B4GALT1: variants seen among roughly 807,000 people sequenced by gnomAD.
B4GALT1 encodes the protein beta-1,4-galactosyltransferase 1.
A neutral mutation model predicts 34.9 loss-of-function variants in B4GALT1; 16 were observed. The observed-to-expected ratio is 0.46, with a 90% confidence interval of 0.31 to 0.70. The LOEUF (loss-of-function observed/expected upper bound fraction) is 0.70. Among genes scored for constraint, B4GALT1 ranks in the 30% least tolerant of loss-of-function variants. The pLI, the probability that B4GALT1 is intolerant of heterozygous loss-of-function variation, is 0.05. For missense variants in B4GALT1, 445 were observed against 530.5 expected, an observed-to-expected ratio of 0.84 and a Z score of 1.58; for synonymous variants, 221 against 218.1, an observed-to-expected ratio of 1.01 and a Z score of -0.12.
chr9:33,162,596 C>A (rs866637624), intron 1 of B4GALT1, among the ~76,000 whole-genome samples: 6 of 152,204 alleles, frequency 3.9e-5, no homozygotes, highest in Non-Finnish European at 8.8e-5. Context: ...TCAGGTCACC[C>A]CTGAACCTGT....
chr9:33,146,239 A>G (rs1293108500), intron 1 of B4GALT1, among the ~76,000 whole-genome samples: 1 of 152,226 alleles, frequency 6.6e-6, no homozygotes, highest in Non-Finnish European at 1.5e-5. Context: ...GAATTTCTGG[A>G]AAGTGTGGAA....
chr9:33,135,096 A>T, intron 2 of B4GALT1, 93 bp downstream of exon 2: 1 of 1,312,376 alleles, frequency 7.6e-7, no homozygotes, highest in Non-Finnish European at 1.1e-6. Context: ...TGTCTGTGAA[A>T]TCACTCCCCT....
chr9:33,121,224 T>C (rs1164402663), intron 2 of B4GALT1, among the ~76,000 whole-genome samples: 2 of 152,122 alleles, frequency 1.3e-5, no homozygotes, highest in Admixed American at 6.5e-5. Context: ...GTGCTCACCA[T>C]GGAGGGCAGA....
chr9:33,183,868 G>T, the B4GALT1 span, among the ~76,000 whole-genome samples: 1 of 151,986 alleles, frequency 6.6e-6, no homozygotes, highest in Admixed American at 6.5e-5. Flanking sequence ...TCCTTTGCAG[G>T]GACATGGATG....
intron 1 of B4GALT1, among the ~76,000 whole-genome samples, chr9:33,159,740 C>G (rs1367719442): frequency 6.6e-6 from 1 of 152,214 alleles, no homozygotes; most frequent in Non-Finnish European, 1.5e-5. Flanking sequence ...GTTTCAGAAT[C>G]TGATTTGCAA....
the B4GALT1 span, among the ~76,000 whole-genome samples, chr9:33,184,725 A>T: frequency 1.5e-3 from 224 of 152,362 alleles, no homozygotes; most frequent in Non-Finnish European, 2.2e-3. Context: ...TTTGAGCTGC[A>T]ACGCTCTAAA....
the B4GALT1 span, among the ~76,000 whole-genome samples, chr9:33,173,415 G>GC: frequency 1.5e-5 from 2 of 134,232 alleles, no homozygotes; most frequent in African/African-American, 5.5e-5. Flanking sequence ...AAAAAAAAAA[G>GC]CAAAAAAAAA....
intron 1 of B4GALT1, among the ~76,000 whole-genome samples, chr9:33,163,666 A>G (rs961699028): frequency 6.6e-6 from 1 of 152,220 alleles, no homozygotes; most frequent in Non-Finnish European, 1.5e-5. Context: ...GATAAACATG[A>G]CGGGGGAAGA....
At chr9:33,132,266 C>T (rs1181075979) in intron 2 of B4GALT1, among the ~76,000 whole-genome samples, 1 of 152,004 alleles carries the variant, frequency 6.6e-6, no homozygotes, top group Non-Finnish European at 1.5e-5. Context: ...TCCTAGTGTT[C>T]CAGGGAAAGC....
At chr9:33,155,190 G>A (rs548735028) in intron 1 of B4GALT1, among the ~76,000 whole-genome samples, 3 of 152,244 alleles carry the variant, frequency 2.0e-5, no homozygotes, top group African/African-American at 7.2e-5. Flanking sequence ...GCAAACTGAG[G>A]CCCAGAGAGA....
intron 2 of B4GALT1, among the ~76,000 whole-genome samples, chr9:33,124,567 C>T (rs2118081372): frequency 6.6e-6 from 1 of 152,292 alleles, no homozygotes; most frequent in African/African-American, 2.4e-5. Flanking sequence ...CCCGGGGAGG[C>T]TGAGGTTGCA....
chr9:33,130,401 T>G (rs1840176734), intron 2 of B4GALT1, among the ~76,000 whole-genome samples: 1 of 151,448 alleles, frequency 6.6e-6, no homozygotes, highest in Non-Finnish European at 1.5e-5. Context: ...TGCTATATCT[T>G]GAAATCCACG....
chr9:33,118,110 C>T (rs1839965772), intron 3 of B4GALT1, among the ~76,000 whole-genome samples: 2 of 152,126 alleles, frequency 1.3e-5, no homozygotes, highest in Non-Finnish European at 2.9e-5. Context: ...GGGTATAAAC[C>T]TGTGTGTTTC....
At chr9:33,139,254 G>C (rs1463510394) in intron 1 of B4GALT1, among the ~76,000 whole-genome samples, 1 of 152,196 alleles carries the variant, frequency 6.6e-6, no homozygotes, top group Non-Finnish European at 1.5e-5. Context: ...TGCTGAGCGT[G>C]TGGCAGAACC....
At chr9:33,167,907 C>G (rs1245092183), upstream of B4GALT1, among the ~76,000 whole-genome samples, 1 of 152,212 alleles carries the variant, frequency 6.6e-6, no homozygotes, top group East Asian at 1.9e-4. Flanking sequence ...CGCTGCTTAA[C>G]GGGGGGTCCT....
intron 2 of B4GALT1, among the ~76,000 whole-genome samples, chr9:33,128,177 C>G (rs995725652): frequency 3.3e-5 from 5 of 152,128 alleles, no homozygotes; most frequent in African/African-American, 1.2e-4. Context: ...CAGAGAGGAA[C>G]TCCTCCTTCC....
At chr9:33,151,162 T>C (rs929437528) in intron 1 of B4GALT1, among the ~76,000 whole-genome samples, 1 of 152,176 alleles carries the variant, frequency 6.6e-6, no homozygotes, top group South Asian at 2.1e-4. Flanking sequence ...TTAAATTCAC[T>C]TCCCTGCTCT....
upstream of B4GALT1, among the ~76,000 whole-genome samples, chr9:33,169,652 C>G (rs573591847): frequency 6.6e-6 from 1 of 151,978 alleles, no homozygotes; most frequent in East Asian, 1.9e-4. Flanking sequence ...TCTTGAGTAG[C>G]TGGGATTACA....
chr9:33,152,582 G>GA (rs200081489), intron 1 of B4GALT1, among the ~76,000 whole-genome samples: 19 of 147,656 alleles, frequency 1.3e-4, no homozygotes, highest in African/African-American at 4.0e-4. Flanking sequence ...TTAAAAAAAA[G>GA]AAAAAAAAAG....
Sources: gnomAD v4.1 joint callset for allele counts (sites outside exome capture counted in the v4.1 genomes callset) on GRCh38, gnomAD v4.1.1 for gene constraint, MANE v1.5 for transcripts, NCBI Gene and HGNC (gene_info 2026-07-23, HGNC 2026-07-21) for gene names.